The following RANBP10 variants were observed in gnomAD, a reference collection of about 807,000 sequenced individuals.
RANBP10 encodes ran-binding protein 10.
In RANBP10, 24 loss-of-function variants were observed where a neutral mutation model predicts 72.8. That is an observed-to-expected ratio of 0.33 (90% CI 0.24 to 0.46). RANBP10 has a LOEUF of 0.46. RANBP10 is among the 20% of genes least tolerant of loss of function. The probability of loss-of-function intolerance (pLI) is 1.00; values close to 1 mark genes in which losing one functional copy is unlikely to be tolerated. For missense variants in RANBP10, 679 were observed against 817.5 expected (o/e 0.83, Z 2.07); for synonymous variants, 310 against 322.3 (o/e 0.96, Z 0.41).
intron 2 of RANBP10, among the ~76,000 whole-genome samples, chr16:67,794,823 TA>T (rs1406990157): frequency 1.4e-5 from 2 of 142,624 alleles, no homozygotes; most frequent in Admixed American, 7.4e-5. Context: ...GGGCCCAGCC[TA>T]AAAAAAATCC....
chr16:67,788,980 G>C (rs2054974233), intron 2 of RANBP10, among the ~76,000 whole-genome samples: 1 of 146,832 alleles, frequency 6.8e-6, no homozygotes, highest in South Asian at 2.1e-4. Context: ...CTGGGCAACA[G>C]AGTGAGACTC....
chr16:67,795,585 C>T (rs552715370), intron 2 of RANBP10, among the ~76,000 whole-genome samples: 23 of 149,570 alleles, frequency 1.5e-4, no homozygotes, highest in African/African-American at 5.4e-4. Flanking sequence ...TAAAGGTTTT[C>T]GGCCGGGCGC....
intron 5 of RANBP10, among the ~76,000 whole-genome samples, chr16:67,736,311 G>C (rs1384565179): frequency 1.3e-5 from 2 of 152,052 alleles, no homozygotes; most frequent in Admixed American, 1.3e-4. Flanking sequence ...ACAGGCATGC[G>C]CCACCACGCC....
chr16:67,727,717 G>A, intron 12 of RANBP10, 34 bp downstream of exon 12: 1 of 1,613,800 alleles, frequency 6.2e-7, no homozygotes. Flanking sequence ...ACCAAATGGG[G>A]CCTGCTCTGC....
intron 7 of RANBP10, 72 bp downstream of exon 7, chr16:67,731,400 G>T: frequency 7.6e-7 from 1 of 1,323,820 alleles, no homozygotes; most frequent in Non-Finnish European, 1.1e-6. Context: ...GGTTAACCAG[G>T]GTTGACATGA....
rs1004516206 is a variant in RANBP10 at position 67,725,375 on chromosome 16, C to T, written c.*1053G>A. On this transcript the variant is annotated 3_prime_UTR_variant, in exon 14 of 14. Transcript: ENST00000317506. The stretch of plus-strand genomic sequence containing the variant: ...GAAGATCTAGGCAGGAAGAAAGCAG[C>T]CCCTGTACTCAAGGGCCTCTGTCCT... 3 of 152,456 alleles carry T rather than the reference C, an allele frequency of 2.0e-5. No homozygotes were observed. Among genetic ancestry groups the T allele is most frequent in the African/African-American group, 7.2e-5 (3 of 41,428 alleles). 9.4% of individuals were successfully genotyped at this position (152,456 alleles called of 1,614,324 possible). A position where few individuals can be genotyped will look rare whatever the true frequency, so the allele number is the denominator to read the frequency against.
chr16:67,767,454 CAAA>C (rs1178049394), intron 3 of RANBP10, among the ~76,000 whole-genome samples: 2,636 of 63,860 alleles, frequency 0.041, 29 homozygotes, highest in Middle Eastern at 0.11. Flanking sequence ...GACCCTGTTT[CAAA>C]AAAAAAAAAA....
At chr16:67,802,111 A>T in intron 2 of RANBP10, among the ~76,000 whole-genome samples, 1 of 148,176 alleles carries the variant, frequency 6.7e-6, no homozygotes, top group South Asian at 2.1e-4. Flanking sequence ...AAAAAAAAAA[A>T]TCTACAAAAA....
At chr16:67,768,021 T>C (rs960332130) in intron 3 of RANBP10, among the ~76,000 whole-genome samples, 1 of 149,622 alleles carries the variant, frequency 6.7e-6, no homozygotes, top group South Asian at 2.1e-4. Flanking sequence ...AACCATATCA[T>C]GTCACTGAAC....
At position 67,806,464 on chromosome 16, in the gene RANBP10, C is replaced by T. The variant is rs1695256076; in HGVS notation, c.73G>A (p.Gly25Ser). ...TGCTCCCCAGGGGACGGCAGCCCGC[C>T]CCCAGCGCCCCCGCCGGAGGAGTCC... ...PGDSSGGGAG[G>S]GLPSPGEQEL... Residue 25 changes from glycine (G) to serine (S), a missense_variant, in exon 1 of 14, where the codon GGC (glycine) becomes AGC (serine). Gly to Ser is a moderately conservative substitution (Grantham distance 56). Coordinates refer to ENST00000317506, the MANE Select transcript of RANBP10 (RefSeq NM_020850.3). 1 of 1,557,578 alleles carries T rather than the reference C, an allele frequency of 6.4e-7. No homozygotes were observed. The highest frequency in any genetic ancestry group is 8.6e-7 in the Non-Finnish European group (1 of 1,156,392).
chr16:67,806,003 G>T (rs754722437), intron 1 of RANBP10, among the ~76,000 whole-genome samples: 3 of 152,380 alleles, frequency 2.0e-5, no homozygotes, highest in Admixed American at 2.0e-4. Context: ...AGTGGCGAAA[G>T]GTCCCGCTGC....
intron 2 of RANBP10, among the ~76,000 whole-genome samples, chr16:67,772,863 A>C (rs2054633448): frequency 6.6e-6 from 1 of 152,046 alleles, no homozygotes; most frequent in Non-Finnish European, 1.5e-5. Context: ...CCCTTAGACA[A>C]TCCACTCAGA....
chr16:67,752,216 C>G (rs2054210387), intron 3 of RANBP10, among the ~76,000 whole-genome samples: 1 of 152,152 alleles, frequency 6.6e-6, no homozygotes, highest in African/African-American at 2.4e-5. Context: ...AAGGATTTTG[C>G]AGAAGTGATT....
At position 67,798,193 on chromosome 16, in the gene RANBP10, G is replaced by C. The variant is rs1314605893; in HGVS notation, c.347+7235C>G. Among the ~76,000 whole-genome samples the C allele has an allele frequency of 4.6e-5, 7 of 152,182 alleles. No homozygotes were observed. The South Asian group carries it at 1.5e-3, about 32-fold the overall frequency. ...TGCCTGTAAGACCATCAACTCCGGGGGGCAGTAAGGGAAAATGGGGCACAA... is the reference window on the plus strand; with the variant it reads ...TGCCTGTAAGACCATCAACTCCGGGCGGCAGTAAGGGAAAATGGGGCACAA... On this transcript the variant is annotated intron_variant, in intron 2 of 13. Transcript: ENST00000317506.
At chr16:67,756,515 C>A (rs2054288272) in intron 3 of RANBP10, among the ~76,000 whole-genome samples, 1 of 151,714 alleles carries the variant, frequency 6.6e-6, no homozygotes. Flanking sequence ...CCAGCCTGGC[C>A]AAAATGGTGA....
chr16:67,757,880 T>C (rs1466580992), intron 3 of RANBP10, among the ~76,000 whole-genome samples: 1 of 152,034 alleles, frequency 6.6e-6, no homozygotes, highest in African/African-American at 2.4e-5. Context: ...GGTCTTCTCT[T>C]CATGGTAGCT....
At chr16:67,755,494 G>T (rs2054269765) in intron 3 of RANBP10, among the ~76,000 whole-genome samples, 2 of 152,036 alleles carry the variant, frequency 1.3e-5, no homozygotes, top group Admixed American at 1.3e-4. Flanking sequence ...GACCAGCCTG[G>T]CCAAGATGGC....
intron 7 of RANBP10, 94 bp downstream of exon 7, chr16:67,731,378 G>A (rs1567673894): frequency 9.6e-7 from 1 of 1,046,342 alleles, no homozygotes; most frequent in East Asian, 2.4e-5. Flanking sequence ...AGAGCTGAAT[G>A]GACTCCTGAC....
intron 2 of RANBP10, among the ~76,000 whole-genome samples, chr16:67,804,912 G>C (rs1182468862): frequency 1.3e-5 from 2 of 152,132 alleles, no homozygotes; most frequent in Non-Finnish European, 2.9e-5. Flanking sequence ...ACAAGTTTAT[G>C]AGCAGCAAGG....
Sources: gnomAD v4.1 joint callset for allele counts (sites outside exome capture counted in the v4.1 genomes callset) on GRCh38, gnomAD v4.1.1 for gene constraint, MANE v1.5 for transcripts, NCBI Gene and HGNC (gene_info 2026-07-23, HGNC 2026-07-21) for gene names.